The following FRMD5 variants were observed in gnomAD, a reference collection of about 807,000 sequenced individuals.
FRMD5 encodes FERM domain-containing protein 5.
A neutral mutation model predicts 69.0 loss-of-function variants in FRMD5; 20 were observed. The ratio of observed to expected loss-of-function variants is 0.29; its 90% CI spans 0.20 to 0.42. FRMD5 has a LOEUF of 0.42. Ranked by LOEUF, FRMD5 falls within the 10% of genes least tolerant of loss-of-function variation. FRMD5 has a pLI of 1.00. For synonymous variants in FRMD5, 271 were observed against 260.1 expected (o/e 1.04, Z -0.40); for missense variants, 595 against 708.6 (o/e 0.84, Z 1.82).
Position 44,194,973 on chromosome 15 carries a change from C to G in FRMD5, c.82G>C (p.Glu28Gln). The change falls in exon 1 of 14, where the codon GAG (glutamate) becomes CAG (glutamine). Residue 28 changes from glutamate to glutamine, a missense_variant. Around this residue, in one of 5 missense-constraint regions of FRMD5, gnomAD observed 79 missense variants for 139.9 expected, o/e 0.56. Coordinates refer to ENST00000417257, the MANE Select transcript of FRMD5 (RefSeq NM_032892.5). Reference sequence around the variant, plus strand: ...CTGACCTGGATGGTGCAGGTGTACTCGCTGTCGTCCAGCAGCCGCACGGTG... The same window carrying G: ...CTGACCTGGATGGTGCAGGTGTACTGGCTGTCGTCCAGCAGCCGCACGGTG... ...SCTVRLLDDS[E>Q]YTCTIQRDAK... The G allele has an allele frequency of 6.5e-7, 1 of 1,542,690 alleles. No homozygotes were observed. The highest frequency in any genetic ancestry group is 8.7e-7 in the Non-Finnish European group (1 of 1,148,182).
In FRMD5 at chr15:43,873,578, C is replaced by CATCT; in HGVS notation, c.*303_*306dup. 1 of 1,413,452 alleles carries CATCT rather than the reference C, an allele frequency of 7.1e-7. No homozygotes were observed. The highest frequency in any genetic ancestry group is 9.2e-7 in the Non-Finnish European group (1 of 1,082,884). 87.6% of individuals were successfully genotyped at this position (1,413,452 alleles called of 1,614,324 possible). ...TTATTTGATACTTCAAAATAATATA[C>CATCT]ATCTATGAAAAATCAAAATTCAAAA... On this transcript the variant is annotated 3_prime_UTR_variant, in exon 14 of 14. Coordinates refer to ENST00000417257, the MANE Select transcript of FRMD5 (RefSeq NM_032892.5).
chr15:43,904,972 G>T (rs1011361987), intron 6 of FRMD5, among the ~76,000 whole-genome samples: 3 of 152,054 alleles, frequency 2.0e-5, no homozygotes, highest in Non-Finnish European at 4.4e-5. Flanking sequence ...GCCTGAGTCA[G>T]GCGGGGCTGA....
chr15:43,982,904 T>C (rs561088745), intron 1 of FRMD5, among the ~76,000 whole-genome samples: 98 of 152,088 alleles, frequency 6.4e-4, no homozygotes, highest in African/African-American at 2.2e-3. Flanking sequence ...AGGTAGTCAC[T>C]TGCAAACTAA....
chr15:43,903,644 A>G (rs2089100950), intron 6 of FRMD5, among the ~76,000 whole-genome samples: 1 of 152,196 alleles, frequency 6.6e-6, no homozygotes, highest in Non-Finnish European at 1.5e-5. Flanking sequence ...AAGTTAGGAA[A>G]ATATCTGTGT....
At chr15:44,000,282 T>C (rs1011993165) in intron 1 of FRMD5, among the ~76,000 whole-genome samples, 1 of 151,564 alleles carries the variant, frequency 6.6e-6, no homozygotes, top group Non-Finnish European at 1.5e-5. Flanking sequence ...CCACTGCACC[T>C]CACCCTACCA....
chr15:44,060,869 G>A (rs2140378476), intron 1 of FRMD5, among the ~76,000 whole-genome samples: 1 of 152,316 alleles, frequency 6.6e-6, no homozygotes. Context: ...ACAGGCCCCT[G>A]TGTGCAAACA....
rs1012868629 is a variant in FRMD5, at chr15:43,871,663, C to T, written c.*2222G>A. Reference sequence around the variant, plus strand: ...CCCTAATCTCTACTAGGATCTCCTTCGGTTTGTATTGTCACTCGATAAATA... The same window carrying T: ...CCCTAATCTCTACTAGGATCTCCTTTGGTTTGTATTGTCACTCGATAAATA... On this transcript the variant is annotated 3_prime_UTR_variant, in exon 14 of 14. Coordinates refer to ENST00000417257, the MANE Select transcript of FRMD5 (RefSeq NM_032892.5). 3 of 152,202 alleles carry T rather than the reference C, an allele frequency of 2.0e-5. No individual in the cohort carries two copies. Among genetic ancestry groups the T allele is most frequent in the African/African-American group, 7.2e-5 (3 of 41,448 alleles). The allele number at this position is 152,202 out of a possible 1,614,324, so 9.4% of individuals were successfully genotyped here.
intron 1 of FRMD5, among the ~76,000 whole-genome samples, chr15:44,092,012 A>C (rs2076480632): frequency 6.6e-6 from 1 of 152,176 alleles, no homozygotes; most frequent in African/African-American, 2.4e-5. Context: ...CAGACTTTGA[A>C]GTATTTAAGT....
intron 1 of FRMD5, among the ~76,000 whole-genome samples, chr15:44,097,521 C>A (rs2076570744): frequency 6.6e-6 from 1 of 152,224 alleles, no homozygotes; most frequent in Non-Finnish European, 1.5e-5. Flanking sequence ...GCTACCAGAG[C>A]AGACTATAGG....
intron 1 of FRMD5, among the ~76,000 whole-genome samples, chr15:44,191,652 T>C (rs1366264696): frequency 2.0e-5 from 3 of 151,526 alleles, no homozygotes; most frequent in Non-Finnish European, 2.9e-5. Context: ...TGCACTTCTG[T>C]AGTCCCAACT....
intron 1 of FRMD5, among the ~76,000 whole-genome samples, chr15:44,140,251 A>C (rs2077249057): frequency 6.6e-6 from 1 of 152,200 alleles, no homozygotes; most frequent in Non-Finnish European, 1.5e-5. Flanking sequence ...GCAAATTAGA[A>C]ATCAATAATA....
chr15:43,943,637 T>G (rs913136229), intron 1 of FRMD5, among the ~76,000 whole-genome samples: 1 of 152,122 alleles, frequency 6.6e-6, no homozygotes, highest in Non-Finnish European at 1.5e-5. Context: ...TGAAGAGACA[T>G]AGACACACAC....
intron 1 of FRMD5, among the ~76,000 whole-genome samples, chr15:43,951,177 T>G (rs191284199): frequency 0.03 from 4,548 of 152,008 alleles, 94 homozygotes; most frequent in Middle Eastern, 0.068. Flanking sequence ...TCCCAGCACT[T>G]TGGGAGGCCA....
At chr15:44,036,113 T>C (rs1212691690) in intron 1 of FRMD5, among the ~76,000 whole-genome samples, 1 of 152,176 alleles carries the variant, frequency 6.6e-6, no homozygotes, top group East Asian at 1.9e-4. Flanking sequence ...CCATAATATG[T>C]ACTGAGAGGG....
At chr15:44,048,943 C>G (rs1365653750) in intron 1 of FRMD5, among the ~76,000 whole-genome samples, 1 of 152,156 alleles carries the variant, frequency 6.6e-6, no homozygotes, top group Non-Finnish European at 1.5e-5. Context: ...CACTGCTAAG[C>G]CACTTTGTAC....
intron 1 of FRMD5, among the ~76,000 whole-genome samples, chr15:43,969,588 T>A (rs547446961): frequency 6.6e-6 from 1 of 152,196 alleles, no homozygotes; most frequent in Non-Finnish European, 1.5e-5. Flanking sequence ...TTTCTATATA[T>A]AAATATTGCA....
intron 6 of FRMD5, among the ~76,000 whole-genome samples, chr15:43,903,237 G>T (rs1367854234): frequency 6.6e-6 from 1 of 152,236 alleles, no homozygotes; most frequent in African/African-American, 2.4e-5. Flanking sequence ...CAGTGAGGAG[G>T]GGTGGGCAGC....
chr15:44,123,697 A>G (rs1432737573), intron 1 of FRMD5, among the ~76,000 whole-genome samples: 2 of 152,220 alleles, frequency 1.3e-5, no homozygotes, highest in African/African-American at 2.4e-5. Context: ...ATGCAATTAC[A>G]TAAGGGCGAC....
intron 1 of FRMD5, among the ~76,000 whole-genome samples, chr15:43,974,394 T>C (rs1463150410): frequency 1.3e-5 from 2 of 152,254 alleles, no homozygotes; most frequent in African/African-American, 2.4e-5. Flanking sequence ...AGAAATTATG[T>C]GCTGCAGGTG....
Sources: allele counts gnomAD v4.1 joint callset (sites outside exome capture counted in the v4.1 genomes callset), GRCh38; gene constraint gnomAD v4.1.1; regional missense constraint gnomAD v4.1.1; transcripts MANE v1.5; gene names NCBI Gene and HGNC (gene_info 2026-07-23, HGNC 2026-07-21).